PRKN: variants seen among roughly 807,000 people sequenced by gnomAD.
The protein encoded by PRKN is parkin RBR E3 ubiquitin protein ligase.
Under a neutral mutation model 59.5 loss-of-function variants are expected in PRKN, and 56 were observed. The ratio of observed to expected loss-of-function variants is 0.94; its 90% CI spans 0.76 to 1.18. PRKN has a LOEUF of 1.18. Ranked by LOEUF, PRKN falls within the 50% of genes most tolerant of loss-of-function variation. The probability of loss-of-function intolerance (pLI) is 0.00; values close to 1 mark genes in which losing one functional copy is unlikely to be tolerated. For missense variants in PRKN, 657 were observed against 596.4 expected (o/e 1.10, Z -1.06); for synonymous variants, 250 against 222.1 (o/e 1.13, Z -1.12).
intron 2 of PRKN, among the ~76,000 whole-genome samples, chr6:162,278,030 T>C (rs1007342100): frequency 2.6e-5 from 4 of 152,218 alleles, no homozygotes; most frequent in Non-Finnish European, 4.4e-5. Context: ...AACATGTTCT[T>C]CATCAGGTGA....
chr6:161,549,140 G>A lies in PRKN; in HGVS notation c.934-137C>T. On this transcript the variant is annotated intron_variant, in intron 8 of 11. Transcript: ENST00000366898. The surrounding 1 kb of genome is among the most constrained non-coding windows in gnomAD (Gnocchi z 6.0). ...TGCATGTGTGTGTGTGTGTGTGTGTGTAGGGGGAGGGAGAGGGCCACGGGG... is the reference window on the plus strand; with the variant it reads ...TGCATGTGTGTGTGTGTGTGTGTGTATAGGGGGAGGGAGAGGGCCACGGGG... 2 of 885,400 alleles carry A rather than the reference G, an allele frequency of 2.3e-6. No individual in the cohort carries two copies. Among genetic ancestry groups the A allele is most frequent in the East Asian group, 2.6e-5 (1 of 37,786 alleles). 54.8% of individuals were successfully genotyped at this position (885,400 alleles called of 1,614,324 possible). A position where few individuals can be genotyped will look rare whatever the true frequency, so the allele number is the denominator to read the frequency against.
intron 4 of PRKN, among the ~76,000 whole-genome samples, chr6:162,117,910 A>T (rs2128304643): frequency 6.6e-6 from 1 of 152,120 alleles, no homozygotes; most frequent in African/African-American, 2.4e-5. Flanking sequence ...CAGCCTGGCC[A>T]ACGTGGGGAA....
intron 7 of PRKN, among the ~76,000 whole-genome samples, chr6:161,702,944 G>A (rs1474132791): frequency 6.6e-6 from 1 of 150,984 alleles, no homozygotes; most frequent in Non-Finnish European, 1.5e-5. Flanking sequence ...AAGACTAACT[G>A]TAGGCTGGAA....
intron 2 of PRKN, among the ~76,000 whole-genome samples, chr6:162,353,346 A>T (rs1784701570): frequency 6.6e-6 from 1 of 152,016 alleles, no homozygotes; most frequent in Admixed American, 6.6e-5. Flanking sequence ...CACAAAAATT[A>T]CTGGAACTGC....
In PRKN at chr6:161,562,557, T is replaced by TCA. The variant is rs938327557; in HGVS notation, c.933+6796_933+6797dup. Among the ~76,000 whole-genome samples, 4 of 152,226 alleles carry TCA rather than the reference T, an allele frequency of 2.6e-5. No homozygotes were observed. Among genetic ancestry groups the TCA allele is most frequent in the African/African-American group, 9.6e-5 (4 of 41,464 alleles). ...ATCTCTCCATCTCGGACCTCAGGTC[T>TCA]CACTGTCCTCCAAGCTCTCACTCAC... On this transcript the variant is annotated intron_variant, in intron 8 of 11. Coordinates refer to ENST00000366898, the MANE Select transcript of PRKN (RefSeq NM_004562.3). The surrounding 1 kb of genome is among the most constrained non-coding windows in gnomAD (Gnocchi z 4.3).
chr6:161,934,413 A>G (rs1260369057), intron 6 of PRKN, among the ~76,000 whole-genome samples: 1 of 152,212 alleles, frequency 6.6e-6, no homozygotes, highest in East Asian at 1.9e-4. Flanking sequence ...AAGATACATC[A>G]ACATCAAAAT....
At chr6:161,868,397 G>A (rs1383605713) in intron 6 of PRKN, among the ~76,000 whole-genome samples, 1 of 151,812 alleles carries the variant, frequency 6.6e-6, no homozygotes, top group Non-Finnish European at 1.5e-5. Flanking sequence ...TGGCTAACGT[G>A]GCAAAACCCC....
chr6:161,666,493 G>C (rs1388931065), intron 7 of PRKN, among the ~76,000 whole-genome samples: 2 of 152,250 alleles, frequency 1.3e-5, no homozygotes, highest in East Asian at 1.9e-4. Context: ...GTGCCAAAAA[G>C]GTTAGGGACC....
intron 1 of PRKN, among the ~76,000 whole-genome samples, chr6:162,616,539 C>T (rs866833467): frequency 6.6e-5 from 10 of 152,132 alleles, no homozygotes; most frequent in Middle Eastern, 3.2e-3. Flanking sequence ...GATACCCCCC[C>T]GTAATATAAC....
rs1786975635 is a variant in PRKN at position 161,400,400 on chromosome 6, C to T, written c.1084-13523G>A. On this transcript the variant is annotated intron_variant, in intron 9 of 11. Coordinates refer to ENST00000366898, the MANE Select transcript of PRKN (RefSeq NM_004562.3). The surrounding 1 kb of genome is among the most constrained non-coding windows in gnomAD (Gnocchi z 4.2). ...TCCGCTCACTGCAACCTGTACCTCC[C>T]AGGTTCAAGCAATTCTCCTGCCTCA... is the stretch of plus-strand genomic sequence containing the variant. Among the ~76,000 whole-genome samples the T allele has an allele frequency of 6.6e-6, 1 of 151,872 alleles. No individual in the cohort carries two copies. The highest frequency in any genetic ancestry group is 1.5e-5 in the Non-Finnish European group (1 of 67,988).
At chr6:162,294,777 A>G (rs984181578) in intron 2 of PRKN, among the ~76,000 whole-genome samples, 1 of 152,210 alleles carries the variant, frequency 6.6e-6, no homozygotes, top group South Asian at 2.1e-4. Context: ...AACATAAAAG[A>G]AAAGAATAGA....
chr6:161,973,267 C>A lies in PRKN; in HGVS notation c.734+35G>T, dbSNP rs754452026. On this transcript the variant is annotated intron_variant, in intron 6 of 11. Coordinates refer to ENST00000366898, the MANE Select transcript of PRKN (RefSeq NM_004562.3). Reference sequence around the variant, plus strand: ...TATTTTTAGATCCTTACCTCACGTCCGTGGAGGGAAGTGACACTATTTTTA... The same window carrying A: ...TATTTTTAGATCCTTACCTCACGTCAGTGGAGGGAAGTGACACTATTTTTA... 6.0e-6 allele frequency: 8 copies of A among 1,334,272 alleles called. No homozygotes were observed. The East Asian group carries it at 6.9e-5, about 11-fold the overall frequency. The allele number at this position is 1,334,272 out of a possible 1,614,324, so 82.7% of individuals were successfully genotyped here. A position where few individuals can be genotyped will look rare whatever the true frequency, so the allele number is the denominator to read the frequency against.
At chr6:162,325,184 A>G (rs951457467) in intron 2 of PRKN, among the ~76,000 whole-genome samples, 1 of 151,846 alleles carries the variant, frequency 6.6e-6, no homozygotes, top group African/African-American at 2.4e-5. Flanking sequence ...TCAGGCTCTC[A>G]ATTTAAGCTC....
chr6:162,569,431 C>T, intron 1 of PRKN: 1 of 685,848 alleles, frequency 1.5e-6, no homozygotes, highest in Admixed American at 1.8e-5. Context: ...TGGCCCTGGA[C>T]ATCGAGATTG....
At chr6:162,241,099 A>C (rs1013307715) in intron 3 of PRKN, among the ~76,000 whole-genome samples, 1 of 152,210 alleles carries the variant, frequency 6.6e-6, no homozygotes, top group Non-Finnish European at 1.5e-5. Context: ...AAACTTAACA[A>C]GTTATTCTGA....
At chr6:162,548,736 C>T (rs1203566281) in intron 1 of PRKN, among the ~76,000 whole-genome samples, 1 of 152,102 alleles carries the variant, frequency 6.6e-6, no homozygotes, top group African/African-American at 2.4e-5. Flanking sequence ...TCTTGATGAA[C>T]GAGTCTAATA....
intron 3 of PRKN, among the ~76,000 whole-genome samples, chr6:162,202,159 T>C (rs537944764): frequency 6.2e-4 from 94 of 152,204 alleles, no homozygotes; most frequent in Non-Finnish European, 1.1e-3. Context: ...AAAAGTTTCT[T>C]TGAAATTTTA....
rs1213058061 is a variant in PRKN at position 161,874,087 on chromosome 6, TA to T, written c.735-88180del. Among the ~76,000 whole-genome samples, 73 of 48,350 alleles carry T rather than the reference TA, an allele frequency of 1.5e-3. 8 individuals are homozygous for T. The highest frequency in any genetic ancestry group is 3.2e-3 in the African/African-American group (48 of 15,078). The allele number at this position is 48,350 out of a possible 152,430, so 31.7% of individuals were successfully genotyped here. A position where few individuals can be genotyped will look rare whatever the true frequency, so the allele number is the denominator to read the frequency against. On this transcript the variant is annotated intron_variant, in intron 6 of 11. Coordinates refer to ENST00000366898, the MANE Select transcript of PRKN (RefSeq NM_004562.3). The stretch of plus-strand genomic sequence containing the variant: ...TATAATATATATTATATGTAAAATA[TA>T]ATATATAATATATATTATATGTAAA...
At chr6:162,166,428 G>T (rs1782992561) in intron 4 of PRKN, among the ~76,000 whole-genome samples, 1 of 152,128 alleles carries the variant, frequency 6.6e-6, no homozygotes, top group African/African-American at 2.4e-5. Context: ...TCATTCTCTG[G>T]GGGGTGATAA....
Sources: gnomAD v4.1 joint callset for allele counts (sites outside exome capture counted in the v4.1 genomes callset) on GRCh38, gnomAD v4.1.1 for gene constraint, Gnocchi (gnomAD v3.1) non-coding constraint, MANE v1.5 for transcripts, NCBI Gene and HGNC (gene_info 2026-07-23, HGNC 2026-07-21) for gene names.